The following MARCHF6 variants were observed in gnomAD, a reference collection of about 807,000 sequenced individuals.
MARCHF6 encodes the protein membrane associated ring-CH-type finger 6.
MARCHF6 carries 31 observed loss-of-function variants against 133.7 expected under a neutral mutation model. That is an observed-to-expected ratio of 0.23 (90% confidence interval 0.17 to 0.31). The LOEUF (loss-of-function observed/expected upper bound fraction) is 0.31, where lower values mean the gene tolerates loss of function less well. MARCHF6 is among the 10% of genes least tolerant of loss of function. The pLI, the probability that MARCHF6 is intolerant of heterozygous loss-of-function variation, is 1.00. For synonymous variants in MARCHF6, 395 were observed against 402.5 expected, an observed-to-expected ratio of 0.98 and a Z score of 0.22; for missense variants, 723 against 1,121.6, an observed-to-expected ratio of 0.64 and a Z score of 5.08.
chr5:10,407,989 C>T (rs531605874), intron 17 of MARCHF6, among the ~76,000 whole-genome samples: 26 of 141,260 alleles, frequency 1.8e-4, no homozygotes, highest in Admixed American at 7.1e-4. Flanking sequence ...ATCCGGAAAC[C>T]TCCCACTACC....
chr5:10,379,663 A>G (rs1005506879), intron 3 of MARCHF6, among the ~76,000 whole-genome samples: 34 of 152,108 alleles, frequency 2.2e-4, no homozygotes, highest in African/African-American at 7.5e-4. Flanking sequence ...GGGTTTCACC[A>G]TGTTAGCCAG....
chr5:10,410,332 A>G, intron 18 of MARCHF6, 56 bp downstream of exon 18: 1 of 1,567,626 alleles, frequency 6.4e-7, no homozygotes, highest in Non-Finnish European at 8.7e-7. Flanking sequence ...CTATGGAATA[A>G]CCTTTCTGGA....
intron 24 of MARCHF6, among the ~76,000 whole-genome samples, chr5:10,429,240 A>G (rs1373204422): frequency 1.3e-5 from 2 of 152,198 alleles, no homozygotes; most frequent in Non-Finnish European, 2.9e-5. Context: ...CATGAGTTAA[A>G]TATAGAAAAA....
chr5:10,403,343 G>A, intron 14 of MARCHF6, 64 bp from the exon 15 acceptor site: 1 of 1,511,422 alleles, frequency 6.6e-7, no homozygotes, highest in South Asian at 1.3e-5. Flanking sequence ...CCTAGAAGAT[G>A]AAAATGTTAA....
rs764793228 is a variant in MARCHF6 at position 10,382,078 on chromosome 5, C to T, written c.334+135C>T. 4.5e-4 allele frequency: 434 copies of T among 958,272 alleles called. 2 individuals are homozygous for T. Among genetic ancestry groups the T allele is most frequent in the Non-Finnish European group, 4.8e-4 (306 of 639,122 alleles). 59.4% of individuals were successfully genotyped at this position (958,272 alleles called of 1,614,324 possible). A position where few individuals can be genotyped will look rare whatever the true frequency, so the allele number is the denominator to read the frequency against. ...GTCAGAGTGTCATGTATTAGGAAAG[C>T]CTTACTTAGAAGATGTTCATCGGAA... On this transcript the variant is annotated intron_variant, in intron 4 of 25. Transcript: ENST00000274140.
chr5:10,363,485 A>G (rs1179346586), intron 1 of MARCHF6, among the ~76,000 whole-genome samples: 1 of 152,226 alleles, frequency 6.6e-6, no homozygotes, highest in Non-Finnish European at 1.5e-5. Context: ...ATCAGAAAGA[A>G]CAGGTAAGTG....
chr5:10,391,882 G>A, intron 7 of MARCHF6, 151 bp downstream of exon 7: 1 of 728,712 alleles, frequency 1.4e-6, no homozygotes, highest in African/African-American at 1.8e-5. Context: ...TGGCATTTAT[G>A]GATGTACATA....
At chr5:10,396,196 T>C (rs1392605132) in intron 9 of MARCHF6, among the ~76,000 whole-genome samples, 1 of 152,218 alleles carries the variant, frequency 6.6e-6, no homozygotes, top group Non-Finnish European at 1.5e-5. Context: ...AGGGTCCCTG[T>C]TCTCAAAGAT....
In MARCHF6 at chr5:10,410,126, C is replaced by T. The variant is rs745832140; in HGVS notation, c.1554-13C>T. On this transcript the variant is annotated splice_polypyrimidine_tract_variant and intron_variant, in intron 17 of 25. Coordinates refer to ENST00000274140, the MANE Select transcript of MARCHF6 (RefSeq NM_005885.4). Reference sequence around the variant, plus strand: ...CAAAATACAATTCACATTATAAATCCTGCCTCTTTCAGTGATGCTCCAGTG... The same window carrying T: ...CAAAATACAATTCACATTATAAATCTTGCCTCTTTCAGTGATGCTCCAGTG... The T allele has an allele frequency of 2.5e-6, 4 of 1,612,846 alleles. No homozygotes were observed. In the Admixed American group the frequency reaches 6.7e-5, roughly 27 times the overall value.
chr5:10,362,553 A>T (rs1017706204), intron 1 of MARCHF6, among the ~76,000 whole-genome samples: 2 of 152,256 alleles, frequency 1.3e-5, no homozygotes, highest in African/African-American at 4.8e-5. Flanking sequence ...TAGAATATTT[A>T]AAAGTAACAA....
chr5:10,410,083 T>A, intron 17 of MARCHF6, 56 bp from the exon 18 acceptor site: 1 of 1,571,568 alleles, frequency 6.4e-7, no homozygotes, highest in Non-Finnish European at 8.7e-7. Context: ...TGTAATCCCA[T>A]TAAATAGTAG....
At chr5:10,416,185 TA>T (rs3834257) in intron 21 of MARCHF6, among the ~76,000 whole-genome samples, 17 of 152,098 alleles carry the variant, frequency 1.1e-4, no homozygotes, top group African/African-American at 2.4e-4. Context: ...AAATGTAGGA[TA>T]AAAAAAATAC....
intron 23 of MARCHF6, among the ~76,000 whole-genome samples, chr5:10,425,417 A>G (rs1740030285): frequency 6.6e-6 from 1 of 152,194 alleles, no homozygotes; most frequent in South Asian, 2.1e-4. Context: ...GTGGAACATC[A>G]TTGATCTTCT....
At chr5:10,421,773 G>A (rs1009746665) in intron 22 of MARCHF6, among the ~76,000 whole-genome samples, 5 of 152,220 alleles carry the variant, frequency 3.3e-5, no homozygotes, top group Admixed American at 3.3e-4. Context: ...AAAAAGCAGG[G>A]AGGCTTTCTT....
At chr5:10,376,378 C>G (rs1430769146) in intron 1 of MARCHF6, among the ~76,000 whole-genome samples, 2 of 152,098 alleles carry the variant, frequency 1.3e-5, no homozygotes, top group Non-Finnish European at 2.9e-5. Flanking sequence ...ACGAACCCAC[C>G]AGAAGGAAGA....
At chr5:10,365,166 G>T (rs1424617673) in intron 1 of MARCHF6, among the ~76,000 whole-genome samples, 1 of 152,038 alleles carries the variant, frequency 6.6e-6, no homozygotes, top group Non-Finnish European at 1.5e-5. Flanking sequence ...AAGCCTAGTT[G>T]GCAAGGAGGC....
intron 4 of MARCHF6, among the ~76,000 whole-genome samples, chr5:10,384,619 A>G (rs1002391360): frequency 6.6e-6 from 1 of 152,234 alleles, no homozygotes; most frequent in Non-Finnish European, 1.5e-5. Flanking sequence ...ACAGTAGCCA[A>G]TAAACACATG....
chr5:10,357,957 CATGGGTTGCT>C (rs1156487324), intron 1 of MARCHF6, among the ~76,000 whole-genome samples: 3 of 140,848 alleles, frequency 2.1e-5, no homozygotes, highest in Non-Finnish European at 3.0e-5. Flanking sequence ...GATATGAGGG[CATGGGTTGCT>C]TTTTTTTTTT....
chr5:10,414,217 G>A (rs919214808), intron 19 of MARCHF6, among the ~76,000 whole-genome samples: 16 of 152,028 alleles, frequency 1.1e-4, no homozygotes, highest in Admixed American at 9.2e-4. Flanking sequence ...TTACTTGTGG[G>A]ATGTATCTGA....
Sources: gnomAD v4.1 joint callset for allele counts (sites outside exome capture counted in the v4.1 genomes callset) on GRCh38, gnomAD v4.1.1 for gene constraint, MANE v1.5 for transcripts, NCBI Gene and HGNC (gene_info 2026-07-23, HGNC 2026-07-21) for gene names.